Variants in VWA8 observed in about 807,000 individuals in gnomAD.
VWA8 encodes von Willebrand factor A domain containing 8, also known as von Willebrand factor A domain-containing protein 8.
Under a neutral mutation model 241.5 loss-of-function variants are expected in VWA8, and 221 were observed. That is an observed-to-expected ratio of 0.91 (90% CI 0.82 to 1.02). VWA8 has a LOEUF of 1.02. Ranked by LOEUF, VWA8 falls within the 50% of genes least tolerant of loss-of-function variation. The probability of loss-of-function intolerance (pLI) is 0.00; values close to 1 mark genes in which losing one functional copy is unlikely to be tolerated. For missense variants in VWA8, 2,322 were observed against 2,328.7 expected, an observed-to-expected ratio of 1.00 and a Z score of 0.06; for synonymous variants, 852 against 827.1, an observed-to-expected ratio of 1.03 and a Z score of -0.52.
chr13:41,865,841 G>A, intron 11 of VWA8, 28 bp from the exon 12 acceptor site: 2 of 1,614,130 alleles, frequency 1.2e-6, no homozygotes, highest in South Asian at 2.2e-5. Context: ...TATTCAAGAG[G>A]TAAGTCAAAA....
At chr13:41,911,173 C>T (rs80161739) in intron 3 of VWA8, among the ~76,000 whole-genome samples, 4,388 of 151,728 alleles carry the variant, frequency 0.029, 70 homozygotes, top group Middle Eastern at 0.058. Context: ...AAGCAATTCT[C>T]CTGCCTCAGC....
At chr13:41,659,905 AC>A (rs1262171843) in intron 37 of VWA8, among the ~76,000 whole-genome samples, 5 of 152,344 alleles carry the variant, frequency 3.3e-5, no homozygotes, top group African/African-American at 1.2e-4. Context: ...TGAAATGACC[AC>A]AGATTTAACA....
chr13:41,719,640 AT>A lies in VWA8; in HGVS notation c.3066del (p.Lys1022AsnfsTer19), dbSNP rs1324666962. On this transcript the variant is annotated frameshift_variant, in exon 26 of 45. Coordinates refer to ENST00000379310, the MANE Select transcript of VWA8 (RefSeq NM_015058.2). LOFTEE classifies it high-confidence loss of function. ...GGCTTTGCTCCGATAGGTATCCCGT[AT>A]TTGTGTAAAGTGTTAATCAATATCT... ...MREILINTLH[K>X]YGIPIGAKPT... 2 of 1,613,226 alleles carry A rather than the reference AT, an allele frequency of 1.2e-6. No individual in the cohort carries two copies. The highest frequency in any genetic ancestry group is 2.2e-5 in the East Asian group (1 of 44,832).
intron 21 of VWA8, among the ~76,000 whole-genome samples, chr13:41,738,447 G>GT: frequency 6.6e-6 from 1 of 152,214 alleles, no homozygotes; most frequent in African/African-American, 2.4e-5. Context: ...ATTTCAAAAT[G>GT]TGTTTAGTTT....
intron 37 of VWA8, among the ~76,000 whole-genome samples, chr13:41,616,390 A>G (rs992094990): frequency 6.6e-6 from 1 of 152,234 alleles, no homozygotes; most frequent in Non-Finnish European, 1.5e-5. Flanking sequence ...GCAGCCAGAC[A>G]TGACAATTGA....
chr13:41,935,496 G>T (rs1566044854), intron 2 of VWA8, among the ~76,000 whole-genome samples: 1 of 152,038 alleles, frequency 6.6e-6, no homozygotes, highest in Non-Finnish European at 1.5e-5. Context: ...ACTTATAATA[G>T]ATGTATATGT....
intron 2 of VWA8, among the ~76,000 whole-genome samples, chr13:41,948,546 C>G (rs1877969884): frequency 6.6e-6 from 1 of 151,912 alleles, no homozygotes; most frequent in Non-Finnish European, 1.5e-5. Context: ...TGTTATAAAC[C>G]AAAAACCATG....
intron 26 of VWA8, among the ~76,000 whole-genome samples, chr13:41,714,037 C>T (rs12877313): frequency 0.12 from 18,055 of 151,930 alleles, 1,482 homozygotes; most frequent in East Asian, 0.31. Flanking sequence ...CATACAGTCA[C>T]AGGAAAAAGT....
At chr13:41,731,692 G>T (rs1310564927) in intron 22 of VWA8, among the ~76,000 whole-genome samples, 1 of 152,128 alleles carries the variant, frequency 6.6e-6, no homozygotes, top group African/African-American at 2.4e-5. Context: ...ATTCAAAAGA[G>T]GGACCCAGTG....
In VWA8 at chr13:41,581,255, GC is replaced by G. The variant is rs2139640538; in HGVS notation, c.5272-5418del. Among the ~76,000 whole-genome samples the G allele has an allele frequency of 2.6e-5, 2 of 76,616 alleles. 1 individual carries two copies. Among genetic ancestry groups the G allele is most frequent in the East Asian group, 8.9e-4 (2 of 2,258 alleles). 50.3% of individuals were successfully genotyped at this position (76,616 alleles called of 152,430 possible). A position where few individuals can be genotyped will look rare whatever the true frequency, so the allele number is the denominator to read the frequency against. On this transcript the variant is annotated intron_variant, in intron 42 of 44. Transcript: ENST00000379310. ...CTGACCTCGTGATCCGCCCGCCTCG[GC>G]CTCCCAAAGTGCTGGGATTACAGGC...
intron 42 of VWA8, among the ~76,000 whole-genome samples, chr13:41,577,234 G>C (rs544092493): frequency 6.6e-6 from 1 of 152,340 alleles, no homozygotes; most frequent in East Asian, 1.9e-4. Flanking sequence ...GGCCATGGGT[G>C]GGGGTGAGAT....
chr13:41,932,350 G>GAT (rs1271849443), intron 2 of VWA8, among the ~76,000 whole-genome samples: 4 of 152,018 alleles, frequency 2.6e-5, no homozygotes, highest in African/African-American at 9.7e-5. Context: ...CCTGGGCCAA[G>GAT]ATGGCTTCAC....
intron 37 of VWA8, among the ~76,000 whole-genome samples, chr13:41,669,561 A>T (rs1427443424): frequency 6.6e-6 from 1 of 152,242 alleles, no homozygotes. Flanking sequence ...TCATTTTTGT[A>T]GCAGTCAAGC....
intron 4 of VWA8, among the ~76,000 whole-genome samples, chr13:41,898,265 G>C (rs1875228884): frequency 6.6e-6 from 1 of 151,976 alleles, no homozygotes; most frequent in African/African-American, 2.4e-5. Context: ...CCCTGAGCTA[G>C]ACACAGGGTG....
intron 20 of VWA8, among the ~76,000 whole-genome samples, chr13:41,771,816 A>G (rs908228694): frequency 6.6e-6 from 1 of 151,014 alleles, no homozygotes; most frequent in Non-Finnish European, 1.5e-5. Flanking sequence ...TCTTGGACTC[A>G]AGCAATCCGC....
chr13:41,607,692 G>A (rs146969636), intron 39 of VWA8, among the ~76,000 whole-genome samples: 3 of 152,178 alleles, frequency 2.0e-5, no homozygotes, highest in South Asian at 2.1e-4. Flanking sequence ...TTAAATTAGC[G>A]CATTATGGAT....
chr13:41,852,500 T>A (rs533769637), intron 12 of VWA8, among the ~76,000 whole-genome samples: 1 of 152,310 alleles, frequency 6.6e-6, no homozygotes, highest in East Asian at 1.9e-4. Context: ...TGGCTGCCTA[T>A]GCTTTTGGTA....
At position 41,567,253 on chromosome 13, in the gene VWA8, CTTTT is replaced by C. The variant is rs1593617668; in HGVS notation, c.*940_*943del. 1 of 152,134 alleles carries C rather than the reference CTTTT, an allele frequency of 6.6e-6. No individual in the cohort carries two copies. Among genetic ancestry groups the C allele is most frequent in the Non-Finnish European group, 1.5e-5 (1 of 68,004 alleles). 9.4% of individuals were successfully genotyped at this position (152,134 alleles called of 1,614,324 possible). A position where few individuals can be genotyped will look rare whatever the true frequency, so the allele number is the denominator to read the frequency against. ...GGCTTTAAAAAAAGTTGTTTTCTTT[CTTTT>C]TGTTACAGCTAAAAATTTCCAATCA... On this transcript the variant is annotated 3_prime_UTR_variant, in exon 45 of 45. Transcript: ENST00000379310.
At chr13:41,589,624 T>A (rs1477811050) in intron 41 of VWA8, among the ~76,000 whole-genome samples, 1 of 152,180 alleles carries the variant, frequency 6.6e-6, no homozygotes, top group Non-Finnish European at 1.5e-5. Flanking sequence ...TTCTCTGAAG[T>A]TTCTTCAACT....
Sources: allele counts gnomAD v4.1 joint callset (sites outside exome capture counted in the v4.1 genomes callset), GRCh38; gene constraint gnomAD v4.1.1; transcripts MANE v1.5; gene names NCBI Gene and HGNC (gene_info 2026-07-23, HGNC 2026-07-21).